SGCZ: variants seen among roughly 807,000 people sequenced by gnomAD.
The protein encoded by SGCZ is zeta-sarcoglycan.
Under a neutral mutation model 41.3 loss-of-function variants are expected in SGCZ, and 40 were observed. The ratio of observed to expected loss-of-function variants is 0.97; its 90% CI spans 0.75 to 1.26. SGCZ has a LOEUF of 1.26. Ranked by LOEUF, SGCZ falls within the 50% of genes most tolerant of loss-of-function variation. The pLI is 0.00. For synonymous variants in SGCZ, 206 were observed against 137.5 expected, an observed-to-expected ratio of 1.50 and a Z score of -3.49; for missense variants, 552 against 369.8, an observed-to-expected ratio of 1.49 and a Z score of -4.04.
chr8:14,262,458 G>T (rs781152166), intron 3 of SGCZ, among the ~76,000 whole-genome samples: 2 of 151,910 alleles, frequency 1.3e-5, no homozygotes, highest in Non-Finnish European at 2.9e-5. Flanking sequence ...TTTACTTAAG[G>T]TTAATTAATT....
chr8:14,799,872 T>C (rs571848872), intron 1 of SGCZ, among the ~76,000 whole-genome samples: 40 of 152,174 alleles, frequency 2.6e-4, no homozygotes, highest in Non-Finnish European at 3.5e-4. Context: ...CTTCTTTTAC[T>C]AGAGAAGAAG....
At chr8:14,877,918 G>T (rs2130716427) in intron 1 of SGCZ, among the ~76,000 whole-genome samples, 1 of 151,826 alleles carries the variant, frequency 6.6e-6, no homozygotes. Context: ...CAATGTAAAT[G>T]TGAAATTGGG....
chr8:15,096,529 C>A (rs949413695), intron 1 of SGCZ, among the ~76,000 whole-genome samples: 2 of 152,152 alleles, frequency 1.3e-5, no homozygotes, highest in African/African-American at 4.8e-5. Flanking sequence ...TATCAACCAT[C>A]CCTGGCAAAC....
intron 2 of SGCZ, among the ~76,000 whole-genome samples, chr8:14,546,163 T>C (rs1803619169): frequency 6.6e-6 from 1 of 152,072 alleles, no homozygotes; most frequent in Admixed American, 6.6e-5. Flanking sequence ...CTGTAATAAA[T>C]CCACACACAC....
intron 1 of SGCZ, among the ~76,000 whole-genome samples, chr8:15,136,943 A>T (rs1808130638): frequency 6.6e-6 from 1 of 152,176 alleles, no homozygotes; most frequent in African/African-American, 2.4e-5. Flanking sequence ...AACAGTTTGG[A>T]GGGCTCAGAA....
intron 1 of SGCZ, among the ~76,000 whole-genome samples, chr8:14,640,623 CAT>C (rs1806990302): frequency 6.7e-6 from 1 of 149,364 alleles, no homozygotes; most frequent in Non-Finnish European, 1.5e-5. Flanking sequence ...TATATACACA[CAT>C]ATATGTGCAA....
intron 1 of SGCZ, among the ~76,000 whole-genome samples, chr8:14,725,484 T>C (rs546161963): frequency 1.7e-4 from 26 of 152,310 alleles, no homozygotes; most frequent in African/African-American, 5.5e-4. Context: ...CTCGGTAGCA[T>C]CTGTTATTTT....
Position 14,822,109 on chromosome 8 carries a change from C to T in SGCZ, c.40-267183G>A, listed in dbSNP as rs567197916. Among the ~76,000 whole-genome samples, 7 of 149,512 alleles carry T rather than the reference C, an allele frequency of 4.7e-5. No individual in the cohort carries two copies. In the South Asian group the frequency reaches 8.5e-4, roughly 18 times the overall value. On this transcript the variant is annotated intron_variant, in intron 1 of 7. Transcript: ENST00000382080. ...ACACACACACACACACACACACACA[C>T]GGTTAGAACTAATAAATAAATTCAG...
intron 2 of SGCZ, among the ~76,000 whole-genome samples, chr8:14,364,371 T>C (rs1803627208): frequency 1.3e-5 from 2 of 152,170 alleles, no homozygotes; most frequent in African/African-American, 4.8e-5. Context: ...CTGGTCCACA[T>C]ACATATAGGA....
At chr8:14,932,366 T>C (rs560946768) in intron 1 of SGCZ, among the ~76,000 whole-genome samples, 6 of 152,140 alleles carry the variant, frequency 3.9e-5, no homozygotes, top group African/African-American at 9.7e-5. Flanking sequence ...CCATTTTCCA[T>C]TCTAATATGA....
intron 1 of SGCZ, among the ~76,000 whole-genome samples, chr8:14,748,736 G>C (rs1295933158): frequency 1.3e-5 from 2 of 150,096 alleles, no homozygotes; most frequent in Non-Finnish European, 3.0e-5. Flanking sequence ...CATCAAAATA[G>C]TGCATGTTGA....
At chr8:14,769,993 C>T (rs1043928592) in intron 1 of SGCZ, among the ~76,000 whole-genome samples, 4 of 151,684 alleles carry the variant, frequency 2.6e-5, no homozygotes, top group African/African-American at 9.7e-5. Flanking sequence ...ACTCGTGGTT[C>T]CTGAATATAC....
chr8:14,269,531 G>C (rs1203766676), intron 3 of SGCZ, among the ~76,000 whole-genome samples: 2 of 152,102 alleles, frequency 1.3e-5, no homozygotes, highest in Non-Finnish European at 2.9e-5. Flanking sequence ...TAACTCACAA[G>C]GTGACCATGA....
intron 5 of SGCZ, among the ~76,000 whole-genome samples, chr8:14,114,648 CTGG>C (rs1802470576): frequency 2.0e-5 from 3 of 151,898 alleles, no homozygotes; most frequent in Admixed American, 2.0e-4. Context: ...AAAAAGACTG[CTGG>C]TGATCAAAAG....
At chr8:14,322,004 G>T (rs1174284450) in intron 3 of SGCZ, among the ~76,000 whole-genome samples, 1 of 152,052 alleles carries the variant, frequency 6.6e-6, no homozygotes. Flanking sequence ...GACATTCATG[G>T]ACAAGTGAAT....
chr8:14,704,361 C>T (rs1397400297), intron 1 of SGCZ, among the ~76,000 whole-genome samples: 1 of 151,998 alleles, frequency 6.6e-6, no homozygotes, highest in African/African-American at 2.4e-5. Flanking sequence ...TTATAACTAA[C>T]TCACACATGT....
chr8:15,111,051 G>T (rs1807031273), intron 1 of SGCZ, among the ~76,000 whole-genome samples: 1 of 152,146 alleles, frequency 6.6e-6, no homozygotes, highest in South Asian at 2.1e-4. Flanking sequence ...GGAGAATATG[G>T]TCTGGAGGCA....
intron 1 of SGCZ, among the ~76,000 whole-genome samples, chr8:15,039,930 T>C (rs1278727604): frequency 6.6e-6 from 1 of 152,356 alleles, no homozygotes; most frequent in Non-Finnish European, 1.5e-5. Flanking sequence ...TTTGGCACAC[T>C]ACTGACTTAA....
Position 14,090,409 on chromosome 8 carries a change from A to G in SGCZ, c.*34T>C. ...CTGTGAAGCAGACGGACAGGAACAA[A>G]AGGCTATTCTGGTGTGAGGAGAAAT... On this transcript the variant is annotated 3_prime_UTR_variant, in exon 8 of 8. Transcript: ENST00000382080. 6 of 1,594,498 alleles carry G rather than the reference A, an allele frequency of 3.8e-6. No homozygotes were observed. Among genetic ancestry groups the G allele is most frequent in the Non-Finnish European group, 5.1e-6 (6 of 1,169,884 alleles).
Sources: gnomAD v4.1 joint callset for allele counts (sites outside exome capture counted in the v4.1 genomes callset) on GRCh38, gnomAD v4.1.1 for gene constraint, MANE v1.5 for transcripts, NCBI Gene and HGNC (gene_info 2026-07-23, HGNC 2026-07-21) for gene names.